The following DMD variants were observed in gnomAD, a reference collection of about 807,000 sequenced individuals.
The protein encoded by DMD is dystrophin.
DMD carries 63 observed loss-of-function variants against 330.1 expected under a neutral mutation model. The ratio of observed to expected loss-of-function variants is 0.19; its 90% confidence interval spans 0.16 to 0.24. The LOEUF is 0.24. DMD is among the 10% of genes least tolerant of loss of function. The probability of loss-of-function intolerance (pLI) is 1.00; values close to 1 mark genes in which losing one functional copy is unlikely to be tolerated. For synonymous variants in DMD, 1,223 were observed against 959.8 expected, an observed-to-expected ratio of 1.27 and a Z score of -5.07; for missense variants, 3,344 against 2,684.1, an observed-to-expected ratio of 1.25 and a Z score of -5.43.
intron 43 of DMD, among the ~76,000 whole-genome samples, chrX:32,240,131 C>T (rs186310430): frequency 3.0e-4 from 33 of 111,657 alleles, no homozygotes; most frequent in African/African-American, 8.8e-4. Context: ...ATTCCTTGTG[C>T]GTATGTAGGG....
At chrX:32,380,449 C>A (rs1020930895) in intron 34 of DMD, 61 bp downstream of exon 34, 5 of 1,059,924 alleles carry the variant, frequency 4.7e-6, no homozygotes, top group East Asian at 6.1e-5. Context: ...TACTTCCTTA[C>A]AAAATCATAT....
intron 11 of DMD, among the ~76,000 whole-genome samples, chrX:32,639,537 C>T (rs1217566024): frequency 4.4e-5 from 5 of 112,414 alleles, no homozygotes; most frequent in Non-Finnish European, 7.5e-5. Flanking sequence ...AGTATCGGCA[C>T]GTGCCAAACT....
chrX:31,769,763 G>A (rs2149224258), intron 51 of DMD, among the ~76,000 whole-genome samples: 1 of 111,998 alleles, frequency 8.9e-6, no homozygotes, highest in South Asian at 3.7e-4. Context: ...TCCTTTATTT[G>A]CTCTATCCTC....
chrX:32,868,143 C>A (rs912487703), intron 2 of DMD, among the ~76,000 whole-genome samples: 1 of 111,864 alleles, frequency 8.9e-6, no homozygotes, highest in African/African-American at 3.2e-5. Flanking sequence ...CTCCCACTCC[C>A]AGCCAAGGGA....
chrX:32,142,399 T>A (rs955915335), intron 44 of DMD, among the ~76,000 whole-genome samples: 29 of 112,209 alleles, frequency 2.6e-4, no homozygotes, highest in African/African-American at 8.7e-4. Flanking sequence ...GGCTTTAAAG[T>A]TTCATTGTTT....
At chrX:32,129,697 T>C (rs1185371831) in intron 44 of DMD, among the ~76,000 whole-genome samples, 3 of 92,785 alleles carry the variant, frequency 3.2e-5, no homozygotes, top group Non-Finnish European at 6.4e-5. Flanking sequence ...TCTATATATA[T>C]ATAGATATGG....
At chrX:31,530,582 C>T (rs113893167) in intron 55 of DMD, among the ~76,000 whole-genome samples, 1,139 of 104,747 alleles carry the variant, frequency 0.011, 20 homozygotes, top group African/African-American at 0.038. Flanking sequence ...TCAAAGAAGG[C>T]TAATAATGAG....
chrX:32,163,638 G>A (rs2096857943), intron 44 of DMD, among the ~76,000 whole-genome samples: 1 of 111,948 alleles, frequency 8.9e-6, no homozygotes, highest in South Asian at 3.7e-4. Flanking sequence ...GACAGACACA[G>A]ATAAGTGCAT....
chrX:31,832,772 T>C (rs746755294), intron 49 of DMD, among the ~76,000 whole-genome samples: 1 of 112,397 alleles, frequency 8.9e-6, no homozygotes, highest in East Asian at 2.8e-4. Context: ...AACCAAGACA[T>C]TTAAAATTCC....
At chrX:31,384,087 C>T (rs989641743) in intron 60 of DMD, among the ~76,000 whole-genome samples, 2 of 111,314 alleles carry the variant, frequency 1.8e-5, no homozygotes, top group East Asian at 2.9e-4. Flanking sequence ...TCAAGGGTCG[C>T]GGGCACCCTC....
At chrX:32,657,011 A>ATGTGTGTGTGTG (rs57052299) in intron 9 of DMD, among the ~76,000 whole-genome samples, 29 of 100,789 alleles carry the variant, frequency 2.9e-4, no homozygotes, top group South Asian at 1.7e-3. Context: ...ACCAACTTAT[A>ATGTGTGTGTGTG]TGTGTGTGTG....
In DMD at chrX:31,729,686, T is replaced by G; in HGVS notation, c.7605A>C (p.Gln2535His). The G allele has an allele frequency of 1.7e-6, 2 of 1,211,692 alleles. No individual in the cohort carries two copies. The highest frequency in any genetic ancestry group is 2.2e-6 in the Non-Finnish European group (2 of 895,500). Residue 2535 changes from glutamine to histidine, a missense_variant, in exon 52 of 79, where the codon CAA (glutamine) becomes CAC (histidine). Physicochemically the swap from Gln to His is conservative, Grantham distance 24. Transcript: ENST00000357033. ...GATTGCTGGTCTTGTTTTTCAAATT[T>G]TGGGCAGCGGTAATGAGTTCTTCCA... ...PQLEELITAA[Q>H]NLKNKTSNQE...
chrX:32,094,938 C>A (rs1166146967), intron 44 of DMD, among the ~76,000 whole-genome samples: 1 of 111,233 alleles, frequency 9.0e-6, no homozygotes, highest in African/African-American at 3.3e-5. Context: ...GGCAATGGGA[C>A]TTGAGCAAGT....
intron 47 of DMD, among the ~76,000 whole-genome samples, chrX:31,906,709 T>C (rs1235630256): frequency 9.0e-6 from 1 of 110,911 alleles, no homozygotes; most frequent in Non-Finnish European, 1.9e-5. Flanking sequence ...GATATCCTTG[T>C]ATAACATAAG....
At chrX:31,886,877 T>G (rs1352745375) in intron 47 of DMD, among the ~76,000 whole-genome samples, 1 of 112,301 alleles carries the variant, frequency 8.9e-6, no homozygotes, top group Non-Finnish European at 1.9e-5. Flanking sequence ...AGAAAATCAT[T>G]ATTTTAAATA....
At chrX:32,125,201 T>C (rs2096655864) in intron 44 of DMD, among the ~76,000 whole-genome samples, 1 of 111,207 alleles carries the variant, frequency 9.0e-6, no homozygotes, top group Non-Finnish European at 1.9e-5. Context: ...GGGGGGTTAC[T>C]GTGTTAATTC....
At chrX:32,728,430 G>C (rs1392976744) in intron 7 of DMD, among the ~76,000 whole-genome samples, 1 of 112,012 alleles carries the variant, frequency 8.9e-6, no homozygotes, top group Non-Finnish European at 1.9e-5. Context: ...GGCACTCTTT[G>C]TAGTTTATCA....
chrX:32,712,867 C>T (rs1017593599), intron 7 of DMD, among the ~76,000 whole-genome samples: 1 of 111,198 alleles, frequency 9.0e-6, no homozygotes, highest in African/African-American at 3.3e-5. Flanking sequence ...TTGTAATATT[C>T]TTCTACATTG....
intron 1 of DMD, among the ~76,000 whole-genome samples, chrX:33,201,229 C>T (rs1189557505): frequency 1.8e-5 from 2 of 111,368 alleles, no homozygotes; most frequent in Admixed American, 1.9e-4. Flanking sequence ...CCGCGACCAG[C>T]CAATAACCAA....
Sources: gnomAD v4.1 joint callset for allele counts (sites outside exome capture counted in the v4.1 genomes callset) on GRCh38, gnomAD v4.1.1 for gene constraint, MANE v1.5 for transcripts, NCBI Gene and HGNC (gene_info 2026-07-23, HGNC 2026-07-21) for gene names.